Variants in CSTPP1 observed in about 807,000 individuals in gnomAD.
CSTPP1 encodes the protein UPF0705 protein C11orf49.
the CSTPP1 span, among the ~76,000 whole-genome samples, chr11:47,087,769 C>T: frequency 6.6e-6 from 1 of 152,032 alleles, no homozygotes; most frequent in African/African-American, 2.4e-5. Context: ...TTATAAATCT[C>T]CCCCAAAAAA....
chr11:46,937,001 T>TA, the CSTPP1 span: 1 of 1,118,508 alleles, frequency 8.9e-7, no homozygotes, highest in Non-Finnish European at 1.2e-6. Flanking sequence ...CCTGAGCCTG[T>TA]AAGGCCGAGC....
the CSTPP1 span, among the ~76,000 whole-genome samples, chr11:47,028,141 T>G: frequency 5.9e-5 from 9 of 152,134 alleles, no homozygotes; most frequent in Non-Finnish European, 1.0e-4. Context: ...GCCATGATGG[T>G]CTCGATCTCC....
At chr11:47,080,358 G>A in the CSTPP1 span, among the ~76,000 whole-genome samples, 9 of 152,004 alleles carry the variant, frequency 5.9e-5, no homozygotes, top group African/African-American at 2.2e-4. Flanking sequence ...AGGAGGCTGA[G>A]GTAGGAGAAT....
At chr11:47,044,508 A>G in the CSTPP1 span, among the ~76,000 whole-genome samples, 1,084 of 152,310 alleles carry the variant, frequency 7.1e-3, 8 homozygotes, top group African/African-American at 0.025. Flanking sequence ...GAATAATTTA[A>G]AAGATAATAA....
chr11:47,134,482 G>A, the CSTPP1 span, among the ~76,000 whole-genome samples: 1 of 152,168 alleles, frequency 6.6e-6, no homozygotes, highest in Non-Finnish European at 1.5e-5. Context: ...GAGCCACTGC[G>A]CCTGGCCTAA....
At chr11:47,137,584 A>G in the CSTPP1 span, 47 of 1,612,424 alleles carry the variant, frequency 2.9e-5, no homozygotes, top group Non-Finnish European at 4.0e-5. Context: ...GAAATGAACA[A>G]AAAGAGGGCA....
the CSTPP1 span, chr11:47,164,192 G>A: frequency 5.0e-6 from 8 of 1,613,874 alleles, no homozygotes; most frequent in South Asian, 2.2e-5. Context: ...AGGCCCTGGA[G>A]AGAGTGTCCT....
At chr11:46,997,364 G>T in the CSTPP1 span, among the ~76,000 whole-genome samples, 3 of 152,156 alleles carry the variant, frequency 2.0e-5, no homozygotes, top group Non-Finnish European at 4.4e-5. Flanking sequence ...TGAAGCTTGT[G>T]TGTGTGTCAC....
the CSTPP1 span, among the ~76,000 whole-genome samples, chr11:47,121,000 A>G: frequency 1.3e-5 from 2 of 152,214 alleles, no homozygotes; most frequent in Admixed American, 1.3e-4. The surrounding 1 kb of genome is among the most constrained non-coding windows in gnomAD (Gnocchi z 4.2). Context: ...TTTAAAATGT[A>G]TATGATACGT....
the CSTPP1 span, among the ~76,000 whole-genome samples, chr11:47,010,073 G>A: frequency 1.3e-5 from 2 of 152,180 alleles, no homozygotes; most frequent in African/African-American, 4.8e-5. Flanking sequence ...CAGGAAAAGT[G>A]ATTATTTATA....
At chr11:47,075,090 G>A in the CSTPP1 span, among the ~76,000 whole-genome samples, 4 of 152,210 alleles carry the variant, frequency 2.6e-5, no homozygotes, top group African/African-American at 7.2e-5. Context: ...ATTGTAATAC[G>A]TCAGGTGTGG....
the CSTPP1 span, among the ~76,000 whole-genome samples, chr11:47,132,219 C>T: frequency 6.6e-6 from 1 of 152,166 alleles, no homozygotes; most frequent in African/African-American, 2.4e-5. Context: ...TGCCTGGAGA[C>T]CCCCTATCTT....
chr11:46,988,438 T>C, the CSTPP1 span, among the ~76,000 whole-genome samples: 1 of 152,186 alleles, frequency 6.6e-6, no homozygotes, highest in Non-Finnish European at 1.5e-5. Flanking sequence ...AAGATCATTA[T>C]GTTAAGTGAA....
the CSTPP1 span, among the ~76,000 whole-genome samples, chr11:47,135,452 G>A: frequency 6.6e-6 from 1 of 152,162 alleles, no homozygotes; most frequent in Non-Finnish European, 1.5e-5. Context: ...GCTCCCATAT[G>A]CCTATCAGTG....
the CSTPP1 span, among the ~76,000 whole-genome samples, chr11:47,162,629 A>G: frequency 2.0e-5 from 3 of 152,312 alleles, no homozygotes; most frequent in East Asian, 5.8e-4. Context: ...TGGGGCAGAC[A>G]CATCCCAGCC....
At chr11:47,134,315 C>A in the CSTPP1 span, among the ~76,000 whole-genome samples, 2 of 152,038 alleles carry the variant, frequency 1.3e-5, no homozygotes, top group African/African-American at 4.8e-5. Flanking sequence ...CTCCTGCCCC[C>A]CAAGTAGCTG....
At chr11:46,958,682 G>A in the CSTPP1 span, among the ~76,000 whole-genome samples, 1 of 152,170 alleles carries the variant, frequency 6.6e-6, no homozygotes, top group Non-Finnish European at 1.5e-5. Context: ...AGGCTGAGAA[G>A]TCCCACCATT....
chr11:47,063,007 C>T, the CSTPP1 span, among the ~76,000 whole-genome samples: 3 of 152,140 alleles, frequency 2.0e-5, no homozygotes, highest in African/African-American at 7.2e-5. Context: ...ATTCCCTGCG[C>T]GTCTGTAGGC....
chr11:47,161,078 T>C, the CSTPP1 span: 2 of 1,611,590 alleles, frequency 1.2e-6, no homozygotes, highest in Admixed American at 3.3e-5. Context: ...ATCTGTTGCC[T>C]GGCTGAAGGG....
Sources: allele counts gnomAD v4.1 joint callset (sites outside exome capture counted in the v4.1 genomes callset), GRCh38; gene constraint gnomAD v4.1.1; non-coding constraint Gnocchi (gnomAD v3.1); transcripts MANE v1.5; gene names NCBI Gene and HGNC (gene_info 2026-07-23, HGNC 2026-07-21).